The following PRKD2 variants were observed in gnomAD, a reference collection of about 807,000 sequenced individuals.
The protein encoded by PRKD2 is protein kinase D2.
A neutral mutation model predicts 86.0 loss-of-function variants in PRKD2; 22 were observed. The ratio of observed to expected loss-of-function variants is 0.26; its 90% CI spans 0.18 to 0.37. PRKD2 has a LOEUF of 0.37. PRKD2 is among the 10% of genes least tolerant of loss of function. PRKD2 has a pLI of 1.00. For synonymous variants in PRKD2, 509 were observed against 510.9 expected, an observed-to-expected ratio of 1.00 and a Z score of 0.05; for missense variants, 818 against 1,199.2, an observed-to-expected ratio of 0.68 and a Z score of 4.70.
At chr19:46,694,342 C>G (rs1174755565) in intron 9 of PRKD2, among the ~76,000 whole-genome samples, 1 of 152,190 alleles carries the variant, frequency 6.6e-6, no homozygotes, top group Non-Finnish European at 1.5e-5. Context: ...TGCCTGTAAT[C>G]CCAACACTTT....
In PRKD2 at chr19:46,697,748, G is replaced by T; in HGVS notation, c.1224C>A (p.Ser408Arg). Residue 408 changes from serine (S) to arginine (R), a missense_variant, in exon 8 of 18, where the codon AGC becomes AGA. Ser to Arg is a moderately radical substitution (Grantham distance 110). This residue lies in a region of PRKD2 where 127 missense variants were observed against 157.8 expected (regional missense o/e 0.80). Transcript: ENST00000291281. ...TLREGWVVHY[S>R]NKDTLRKRHY... ...GGCCACTCACCAGCGTGTCCTTGTT[G>T]CTGTAATGAACCACCCAACCCTCCC... 6.2e-7 allele frequency: 1 copy of T among 1,613,776 alleles called. No individual in the cohort carries two copies. The highest frequency in any genetic ancestry group is 1.7e-5 in the Admixed American group (1 of 59,992).
At position 46,701,359 on chromosome 19, in the gene PRKD2, G is replaced by A. The variant is rs979569206; in HGVS notation, c.890-247C>T. 2.6e-5 allele frequency among the ~76,000 whole-genome samples: 4 copies of A among 151,714 alleles called. No individual in the cohort carries two copies. In the South Asian group the frequency reaches 8.4e-4, roughly 32 times the overall value. ...ACGACTGCTGGGTGCAGTGGCTCCC[G>A]CCTGTAATCTCGGTATTTTGGGAGG... On this transcript the variant is annotated intron_variant, in intron 5 of 17. Coordinates refer to ENST00000291281, the MANE Select transcript of PRKD2 (RefSeq NM_016457.5).
In PRKD2 at chr19:46,689,533, G is replaced by T; in HGVS notation, c.1971+4C>A. 1 of 1,596,308 alleles carries T rather than the reference G, an allele frequency of 6.3e-7. No individual in the cohort carries two copies. The highest frequency in any genetic ancestry group is 8.5e-7 in the Non-Finnish European group (1 of 1,172,176). On this transcript the variant is annotated splice_donor_region_variant and intron_variant, in intron 14 of 17. Transcript: ENST00000291281. ...GCGGGTGGCAGCGGGCAGGGCAGACGCACCTGGGTGATGAGGAACTTGGTG... is the reference window on the plus strand; with the variant it reads ...GCGGGTGGCAGCGGGCAGGGCAGACTCACCTGGGTGATGAGGAACTTGGTG...
intron 10 of PRKD2, among the ~76,000 whole-genome samples, chr19:46,692,415 A>G (rs1448055186): frequency 6.6e-6 from 1 of 151,888 alleles, no homozygotes; most frequent in Non-Finnish European, 1.5e-5. Flanking sequence ...AGACATTTCT[A>G]AAGTCCGATC....
rs763202849 is a variant in PRKD2, at chr19:46,716,206, G to C, written c.165C>G (p.Arg55=). The change falls in exon 1 of 18, where the codon CGC becomes CGG. Residue 55 remains arginine (R), a synonymous_variant. Coordinates refer to ENST00000291281, the MANE Select transcript of PRKD2 (RefSeq NM_016457.5). The surrounding 1 kb of genome is among the most constrained non-coding windows in gnomAD (Gnocchi z 7.9). The part of the protein sequence containing the change: ...VSFHIQIGLT[R]EFVLLPAASE... ...AGGCGGCGGGCAACAGCACGAACTCGCGGGTCAGCCCGATCTGGATGTGAA... is the reference window on the plus strand; with the variant it reads ...AGGCGGCGGGCAACAGCACGAACTCCCGGGTCAGCCCGATCTGGATGTGAA... 1.2e-6 allele frequency: 2 copies of C among 1,610,934 alleles called. No homozygotes were observed. Among genetic ancestry groups the C allele is most frequent in the African/African-American group, 2.7e-5 (2 of 74,500 alleles).
At chr19:46,701,794 T>C (rs773525684) in intron 5 of PRKD2, among the ~76,000 whole-genome samples, 2 of 151,960 alleles carry the variant, frequency 1.3e-5, no homozygotes, top group Non-Finnish European at 2.9e-5. Context: ...ACTTGCTCTG[T>C]GTATTGTAGG....
chr19:46,710,457 G>A (rs1430253828), intron 3 of PRKD2: 1 of 156,962 alleles, frequency 6.4e-6, no homozygotes, highest in African/African-American at 2.4e-5. Flanking sequence ...CAAAGTGCTG[G>A]GATTACTGGC....
At chr19:46,689,325 G>A (rs777132375) in intron 14 of PRKD2, among the ~76,000 whole-genome samples, 9 of 152,024 alleles carry the variant, frequency 5.9e-5, no homozygotes, top group Non-Finnish European at 1.2e-4. Flanking sequence ...GTTTCACCAT[G>A]TTAGCCAGGA....
At chr19:46,711,581 C>A (rs533431221) in intron 2 of PRKD2, among the ~76,000 whole-genome samples, 7 of 151,842 alleles carry the variant, frequency 4.6e-5, no homozygotes, top group Non-Finnish European at 8.8e-5. Flanking sequence ...TTAGTAGAGA[C>A]GGAGTTTCAC....
chr19:46,711,553 C>T (rs2053809341), intron 2 of PRKD2, among the ~76,000 whole-genome samples: 1 of 152,028 alleles, frequency 6.6e-6, no homozygotes, highest in Non-Finnish European at 1.5e-5. Flanking sequence ...CCACCACACC[C>T]GACTAATTTT....
chr19:46,694,454 G>C (rs1002005075), intron 9 of PRKD2, among the ~76,000 whole-genome samples: 1 of 152,120 alleles, frequency 6.6e-6, no homozygotes, highest in African/African-American at 2.4e-5. Flanking sequence ...AATTAGCCAG[G>C]CGTGGTGGTG....
chr19:46,716,438 T>G lies in PRKD2; in HGVS notation c.-68A>C. 2 of 961,442 alleles carry G rather than the reference T, an allele frequency of 2.1e-6. No individual in the cohort carries two copies. Among genetic ancestry groups the G allele is most frequent in the Non-Finnish European group, 2.9e-6 (2 of 687,554 alleles). 59.6% of individuals were successfully genotyped at this position (961,442 alleles called of 1,614,324 possible). A position where few individuals can be genotyped will look rare whatever the true frequency, so the allele number is the denominator to read the frequency against. On this transcript the variant is annotated 5_prime_UTR_variant, in exon 1 of 18. Transcript: ENST00000291281. This position sits in a 1 kb window ranked among gnomAD's most constrained non-coding sequence, Gnocchi z 7.9. Reference sequence around the variant, plus strand: ...CCGGCCGGGGGGCCCCGGGGGACCCTGGGTTCTAGATCCGCGGGATCTCGT... The same window carrying G: ...CCGGCCGGGGGGCCCCGGGGGACCCGGGGTTCTAGATCCGCGGGATCTCGT...
intron 16 of PRKD2, chr19:46,677,177 G>C (rs1033105632): frequency 6.6e-6 from 1 of 151,866 alleles, no homozygotes; most frequent in African/African-American, 2.4e-5. Context: ...ACCTTGTCTT[G>C]TCCTGCACCG....
intron 15 of PRKD2, among the ~76,000 whole-genome samples, chr19:46,680,762 G>T (rs975407625): frequency 1.3e-5 from 2 of 150,322 alleles, no homozygotes; most frequent in Non-Finnish European, 3.0e-5. Context: ...GGAGTGCAGT[G>T]GCACAATCAT....
chr19:46,699,399 C>T (rs1271385966), intron 7 of PRKD2, among the ~76,000 whole-genome samples: 1 of 152,238 alleles, frequency 6.6e-6, no homozygotes, highest in Non-Finnish European at 1.5e-5. Flanking sequence ...GAAGGGCAGA[C>T]TTTTACCTCT....
In PRKD2 at chr19:46,710,891, AC is replaced by A. The variant is rs2053797353; in HGVS notation, c.511+15del. ...AGCCCCGCCCCAGGCCCCGCCCCCA[AC>A]CCTTTAGCTCTCACCATCGCACTTG... On this transcript the variant is annotated intron_variant, in intron 3 of 17. Transcript: ENST00000291281. The A allele has an allele frequency of 4.5e-6, 7 of 1,553,022 alleles. No individual in the cohort carries two copies. The highest frequency in any genetic ancestry group is 2.4e-5 in the East Asian group (1 of 41,866).
In PRKD2 at chr19:46,708,300, C is replaced by T. The variant is rs186742584; in HGVS notation, c.511+2607G>A. On this transcript the variant is annotated intron_variant, in intron 3 of 17. Coordinates refer to ENST00000291281, the MANE Select transcript of PRKD2 (RefSeq NM_016457.5). Reference sequence around the variant, plus strand: ...AGAGTGTGGCTGTAATCCAATGGGACTGGTGACCTTTTTTTTTTTTTTTTT... The same window carrying T: ...AGAGTGTGGCTGTAATCCAATGGGATTGGTGACCTTTTTTTTTTTTTTTTT... Among the ~76,000 whole-genome samples, 313 of 141,370 alleles carry T rather than the reference C, an allele frequency of 2.2e-3. 6 individuals carry two copies. In the Middle Eastern group the frequency reaches 0.056, roughly 25 times the overall value. The allele number at this position is 141,370 out of a possible 152,430, so 92.7% of individuals were successfully genotyped here. A position where few individuals can be genotyped will look rare whatever the true frequency, so the allele number is the denominator to read the frequency against.
intron 14 of PRKD2, among the ~76,000 whole-genome samples, chr19:46,686,934 G>C (rs2053407423): frequency 6.6e-6 from 1 of 151,540 alleles, no homozygotes; most frequent in Non-Finnish European, 1.5e-5. Context: ...CTGGGCAATA[G>C]AGCAAGACTC....
At chr19:46,703,791 G>T (rs1449972564) in intron 5 of PRKD2, among the ~76,000 whole-genome samples, 2 of 147,304 alleles carry the variant, frequency 1.4e-5, no homozygotes, top group Non-Finnish European at 3.0e-5. Flanking sequence ...AAAAAGAAAA[G>T]AAAATTAGCT....
Sources: gnomAD v4.1 joint callset for allele counts (sites outside exome capture counted in the v4.1 genomes callset) on GRCh38, gnomAD v4.1.1 for gene constraint, gnomAD v4.1.1 regional missense constraint, Gnocchi (gnomAD v3.1) non-coding constraint, MANE v1.5 for transcripts, NCBI Gene and HGNC (gene_info 2026-07-23, HGNC 2026-07-21) for gene names.